SPTBN4: variants seen among roughly 807,000 people sequenced by gnomAD.
SPTBN4 encodes the protein spectrin beta, non-erythrocytic 4.
A neutral mutation model predicts 277.8 loss-of-function variants in SPTBN4; 96 were observed. The observed-to-expected ratio is 0.35, with a 90% CI of 0.29 to 0.41. SPTBN4 has a LOEUF of 0.41. SPTBN4 is among the 10% of genes least tolerant of loss of function. SPTBN4 has a pLI of 1.00. For synonymous variants in SPTBN4, 1,481 were observed against 1,580.3 expected (o/e 0.94, Z 1.49); for missense variants, 3,006 against 3,595.7 (o/e 0.84, Z 4.19).
Position 40,502,377 on chromosome 19 carries a change from C to T in SPTBN4, c.1086-13C>T, listed in dbSNP as rs1317202788. On this transcript the variant is annotated splice_polypyrimidine_tract_variant and intron_variant, in intron 9 of 35. Transcript: ENST00000598249. The surrounding 1 kb of genome is among the most constrained non-coding windows in gnomAD (Gnocchi z 4.9). ...GGCATGACGGCAGGGCTCCTGAGCT[C>T]ATGCCCCTTCAGGTTCCAGGAGAAG... 1 of 1,610,676 alleles carries T rather than the reference C, an allele frequency of 6.2e-7. No individual in the cohort carries two copies. The highest frequency in any genetic ancestry group is 1.7e-5 in the Admixed American group (1 of 59,946).
In SPTBN4 at chr19:40,575,578, C is replaced by A. The variant is rs939605806; in HGVS notation, c.*9C>A. ...GCGGGCGCAGGAAGTGACTTCCCAC[C>A]CCCAGGACCTGACACATCTCGTCTC... On this transcript the variant is annotated 3_prime_UTR_variant, in exon 36 of 36. Transcript: ENST00000598249. The A allele has an allele frequency of 2.5e-6, 4 of 1,605,700 alleles. No individual in the cohort carries two copies. The African/African-American group carries it at 4.0e-5, about 16-fold the overall frequency.
intron 2 of SPTBN4, among the ~76,000 whole-genome samples, chr19:40,473,374 T>TTTTTTTA (rs2079909466): frequency 1.4e-5 from 2 of 146,770 alleles, no homozygotes; most frequent in African/African-American, 2.5e-5. Flanking sequence ...TTTTTTTTTT[T>TTTTTTTA]GAGACGGAGT....
chr19:40,541,847 C>T (rs1325236770), intron 20 of SPTBN4, among the ~76,000 whole-genome samples: 1 of 152,132 alleles, frequency 6.6e-6, no homozygotes, highest in Non-Finnish European at 1.5e-5. Flanking sequence ...CAGGTTCAAG[C>T]GATTCCCCAG....
In SPTBN4 at chr19:40,556,119, G is replaced by A. The variant is rs747837833; in HGVS notation, c.5120G>A (p.Arg1707His). 7 of 1,612,344 alleles carry A rather than the reference G, an allele frequency of 4.3e-6. No homozygotes were observed. Among genetic ancestry groups the A allele is most frequent in the Middle Eastern group, 2.0e-4 (1 of 4,954 alleles). Residue 1707 changes from arginine (R) to histidine (H), a missense_variant, in exon 25 of 36, where the codon CGC (arginine) becomes CAC (histidine). Coordinates refer to ENST00000598249, the MANE Select transcript of SPTBN4 (RefSeq NM_020971.3). ...AGCCGGCGGCAGTCTCAGGTGGACC[G>A]CCTGTACGTGGCGCTCAAGGAGCTG... ...QISRRQSQVD[R>H]LYVALKELGE... is the part of the protein sequence containing the mutation.
intron 12 of SPTBN4, among the ~76,000 whole-genome samples, chr19:40,505,753 A>G (rs912374267): frequency 5.3e-5 from 8 of 150,652 alleles, no homozygotes; most frequent in African/African-American, 2.0e-4. Flanking sequence ...GAAGGAAGGA[A>G]GAAAGAAAGG....
rs112105781 is a variant in SPTBN4 at position 40,493,534 on chromosome 19, G to T, written c.587+480G>T. ...CCCCATCTCTACAAAAAGTTGTGGG[G>T]TTTTTTTTGTTGTTGTTGTCGTTGT... On this transcript the variant is annotated intron_variant, in intron 5 of 35. Coordinates refer to ENST00000598249, the MANE Select transcript of SPTBN4 (RefSeq NM_020971.3). 1.9e-3 allele frequency among the ~76,000 whole-genome samples: 293 copies of T among 152,026 alleles called. 2 individuals carry two copies. Among genetic ancestry groups the T allele is most frequent in the African/African-American group, 6.3e-3 (261 of 41,490 alleles).
At chr19:40,507,338 A>G (rs1455485114) in intron 13 of SPTBN4, among the ~76,000 whole-genome samples, 1 of 151,834 alleles carries the variant, frequency 6.6e-6, no homozygotes, top group Admixed American at 6.6e-5. Flanking sequence ...ATAAAAAAAA[A>G]AAAAGTCTGG....
intron 32 of SPTBN4, among the ~76,000 whole-genome samples, 166 bp from the exon 33 acceptor site, chr19:40,570,270 A>G (rs998440982): frequency 2.0e-5 from 3 of 151,036 alleles, no homozygotes; most frequent in Admixed American, 1.3e-4. Flanking sequence ...CCCAAGACCC[A>G]TGGGGCCCTA....
chr19:40,470,629 T>G (rs1324715218), intron 1 of SPTBN4, among the ~76,000 whole-genome samples: 3 of 147,674 alleles, frequency 2.0e-5, no homozygotes. Flanking sequence ...ATTTTTCTTC[T>G]TCTTCTTCTT....
chr19:40,472,068 G>A (rs2079891315), intron 1 of SPTBN4, among the ~76,000 whole-genome samples: 1 of 151,866 alleles, frequency 6.6e-6, no homozygotes, highest in South Asian at 2.1e-4. Context: ...ACTCCACCTC[G>A]CCTGGAGAAT....
chr19:40,516,304 C>T (rs2080460357), intron 15 of SPTBN4, among the ~76,000 whole-genome samples: 1 of 150,050 alleles, frequency 6.7e-6, no homozygotes. Context: ...ATTCAGAACT[C>T]TCTCTCTCTC....
intron 27 of SPTBN4, among the ~76,000 whole-genome samples, chr19:40,564,865 G>C (rs936199619): frequency 6.6e-6 from 1 of 151,390 alleles, no homozygotes; most frequent in African/African-American, 2.4e-5. Context: ...TTTGGATCTT[G>C]AAATCCTAGA....
chr19:40,531,996 G>A (rs932722333), intron 18 of SPTBN4, among the ~76,000 whole-genome samples: 3 of 151,800 alleles, frequency 2.0e-5, no homozygotes, highest in African/African-American at 7.3e-5. Context: ...CATTAGGGGT[G>A]CTAGATCTCG....
At chr19:40,471,837 C>G (rs1198128703) in intron 1 of SPTBN4, among the ~76,000 whole-genome samples, 1 of 151,752 alleles carries the variant, frequency 6.6e-6, no homozygotes, top group Non-Finnish European at 1.5e-5. Flanking sequence ...TTCACAGGCT[C>G]AAGCCATCCT....
chr19:40,502,853 G>A lies in SPTBN4; in HGVS notation c.1282G>A (p.Glu428Lys). ...RAELIRQEKL[E>K]LLAQRFDHKV... ...TGAGCTGATTCGGCAGGAGAAGCTG[G>A]AACTACTGGCACAGAGGTTTGACCA... is the stretch of plus-strand genomic sequence containing the variant. Residue 428 changes from glutamate (E) to lysine (K), a missense_variant, in exon 11 of 36, where the codon GAA becomes AAA. By Grantham distance (56) the Glu-to-Lys change is moderately conservative (BLOSUM62 1). Coordinates refer to ENST00000598249, the MANE Select transcript of SPTBN4 (RefSeq NM_020971.3). This position sits in a 1 kb window ranked among gnomAD's most constrained non-coding sequence, Gnocchi z 4.9. The A allele has an allele frequency of 1.2e-6, 2 of 1,613,936 alleles. No homozygotes were observed. Among genetic ancestry groups the A allele is most frequent in the Admixed American group, 1.7e-5 (1 of 60,000 alleles).
chr19:40,549,513 C>A (rs1406775400), intron 21 of SPTBN4, 100 bp downstream of exon 21: 2 of 928,782 alleles, frequency 2.2e-6, no homozygotes, highest in African/African-American at 1.8e-5. Flanking sequence ...CTGAGACCCT[C>A]CCACTCATAC....
At chr19:40,528,904 C>T (rs1392857534) in intron 17 of SPTBN4, 137 bp from the exon 18 acceptor site, 9 of 638,084 alleles carry the variant, frequency 1.4e-5, no homozygotes, top group Non-Finnish European at 2.5e-5. Context: ...GGCTTTGCCC[C>T]ACTAATTCCT....
intron 16 of SPTBN4, among the ~76,000 whole-genome samples, chr19:40,520,424 T>A (rs1042675290): frequency 5.3e-5 from 8 of 152,194 alleles, no homozygotes; most frequent in Admixed American, 1.3e-4. Flanking sequence ...CTATCCCGAG[T>A]AAGTAATGCA....
intron 20 of SPTBN4, among the ~76,000 whole-genome samples, chr19:40,542,942 G>C (rs908162054): frequency 6.6e-6 from 1 of 152,070 alleles, no homozygotes; most frequent in African/African-American, 2.4e-5. Context: ...CTGGCTCGGG[G>C]TCTGAGGGGT....
Sources: gnomAD v4.1 joint callset for allele counts (sites outside exome capture counted in the v4.1 genomes callset) on GRCh38, gnomAD v4.1.1 for gene constraint, Gnocchi (gnomAD v3.1) non-coding constraint, MANE v1.5 for transcripts, NCBI Gene and HGNC (gene_info 2026-07-23, HGNC 2026-07-21) for gene names.